Variants in BCL6 observed in about 807,000 individuals in gnomAD.
BCL6 encodes B-cell lymphoma 6 protein.
In BCL6, 7 loss-of-function variants were observed where a neutral mutation model predicts 59.5. The ratio of observed to expected loss-of-function variants is 0.12; its 90% CI spans 0.07 to 0.22. BCL6 has a LOEUF of 0.22. Ranked by LOEUF, BCL6 falls within the 10% of genes least tolerant of loss-of-function variation. BCL6 has a pLI of 1.00. For missense variants in BCL6, 685 were observed against 939.4 expected (o/e 0.73, Z 3.54); for synonymous variants, 339 against 349.7 (o/e 0.97, Z 0.34).
chr3:187,736,431 G>A (rs1220479145), intron 1 of BCL6: 6 of 152,160 alleles, frequency 3.9e-5, no homozygotes. Context: ...TTCCTTCATG[G>A]AAGGGATCCT....
Position 187,729,605 on chromosome 3 carries a change from T to C in BCL6, c.800A>G (p.Glu267Gly). 1 of 1,614,170 alleles carries C rather than the reference T, an allele frequency of 6.2e-7. No individual in the cohort carries two copies. ...GTAGTGCATATCACTTCGTGCCTCT[T>C]CTGGGATTGTTTCCTTGGGTGAATA... ...NIYSPKETIP[E>G]EARSDMHYSV... Residue 267 changes from glutamate to glycine, a missense_variant, in exon 5 of 10, where the codon GAA becomes GGA. Coordinates refer to ENST00000406870, the MANE Select transcript of BCL6 (RefSeq NM_001706.5). The surrounding 1 kb of genome is among the most constrained non-coding windows in gnomAD (Gnocchi z 5.6).
In BCL6 at chr3:187,725,867, G is replaced by A. The variant is rs1311172708; in HGVS notation, c.1709-238C>T. On this transcript the variant is annotated intron_variant, in intron 7 of 9. Coordinates refer to ENST00000406870, the MANE Select transcript of BCL6 (RefSeq NM_001706.5). The surrounding 1 kb of genome is among the most constrained non-coding windows in gnomAD (Gnocchi z 4.7). Reference sequence around the variant, plus strand: ...AGGGCCAAGAAACAAGTGGTGGCACGGAGTAGCAACAATGCCAGGTGTGGG... The same window carrying A: ...AGGGCCAAGAAACAAGTGGTGGCACAGAGTAGCAACAATGCCAGGTGTGGG... 2.6e-5 allele frequency among the ~76,000 whole-genome samples: 4 copies of A among 152,180 alleles called. No homozygotes were observed. The highest frequency in any genetic ancestry group is 2.0e-4 in the Admixed American group (3 of 15,278).
intron 5 of BCL6, among the ~76,000 whole-genome samples, 180 bp from the exon 6 acceptor site, chr3:187,728,724 G>A (rs1718859377): frequency 6.6e-6 from 1 of 152,070 alleles, no homozygotes; most frequent in African/African-American, 2.4e-5. Flanking sequence ...ACTGACCAGG[G>A]TCAAACTGAG....
chr3:187,743,988 A>T, intron 1 of BCL6, among the ~76,000 whole-genome samples: 1 of 152,114 alleles, frequency 6.6e-6, no homozygotes. Flanking sequence ...TCTCCTCCTG[A>T]GTCTTGCACA....
chr3:187,738,112 A>AT (rs1432555172), intron 1 of BCL6, among the ~76,000 whole-genome samples: 1 of 152,062 alleles, frequency 6.6e-6, no homozygotes, highest in Non-Finnish European at 1.5e-5. Flanking sequence ...CAGTTTATAA[A>AT]TGGGGAAGGT....
chr3:187,745,068 C>T (rs562721016), intron 1 of BCL6, among the ~76,000 whole-genome samples: 1 of 152,036 alleles, frequency 6.6e-6, no homozygotes, highest in Admixed American at 6.5e-5. Flanking sequence ...CAAAACAACA[C>T]AAGGGAGGGT....
At chr3:187,733,160 A>G (rs1719127311) in intron 3 of BCL6, among the ~76,000 whole-genome samples, 1 of 152,218 alleles carries the variant, frequency 6.6e-6, no homozygotes, top group African/African-American at 2.4e-5. Flanking sequence ...TAAAAGAGCA[A>G]AACATTTCAA....
intron 1 of BCL6, among the ~76,000 whole-genome samples, chr3:187,745,083 A>C: frequency 6.6e-6 from 1 of 152,168 alleles, no homozygotes; most frequent in South Asian, 2.1e-4. Flanking sequence ...GAGGGTGGCA[A>C]AAGCCTCCCC....
Position 187,722,563 on chromosome 3 carries a change from C to A in BCL6, c.2016G>T (p.Gln672His). 1 of 1,613,922 alleles carries A rather than the reference C, an allele frequency of 6.2e-7. No individual in the cohort carries two copies. Among genetic ancestry groups the A allele is most frequent in the Non-Finnish European group, 8.5e-7 (1 of 1,179,926 alleles). The change falls in exon 10 of 10, where the codon CAG becomes CAT. Residue 672 changes from glutamine to histidine, a missense_variant. This residue lies in a region of BCL6 where 38 missense variants were observed against 97.9 expected (regional missense o/e 0.39). Transcript: ENST00000406870. ...GCTTCTGGCGCAAGTGAAGTCGCAG[C>A]TGGCTTTTGTGACGGAAATGCAGGT... is the stretch of plus-strand genomic sequence containing the variant. ...KCNLHFRHKS[Q>H]LRLHLRQKHG...
chr3:187,742,801 C>A (rs1039684894), intron 1 of BCL6, among the ~76,000 whole-genome samples: 1 of 152,094 alleles, frequency 6.6e-6, no homozygotes, highest in Admixed American at 6.5e-5. Flanking sequence ...AATATCTTTT[C>A]GTCTTTTTTA....
rs1718650850 is a variant in BCL6 at position 187,725,592 on chromosome 3, C to T, written c.1746G>A (p.Gln582=). 1.2e-6 allele frequency: 2 copies of T among 1,614,088 alleles called. No individual in the cohort carries two copies. Among genetic ancestry groups the T allele is most frequent in the Admixed American group, 1.7e-5 (1 of 60,004 alleles). ...KPYRCNICGA[Q]FNRPANLKTH... Reference sequence around the variant, plus strand: ...TTTTCAGGTTGGCTGGCCGGTTGAACTGGGCCCCACAGATGTTGCAACGAT... The same window carrying T: ...TTTTCAGGTTGGCTGGCCGGTTGAATTGGGCCCCACAGATGTTGCAACGAT... The change falls in exon 8 of 10, where the codon CAG becomes CAA. Residue 582 remains glutamine, a synonymous_variant. Transcript: ENST00000406870. This position sits in a 1 kb window ranked among gnomAD's most constrained non-coding sequence, Gnocchi z 4.7.
At chr3:187,745,246 A>G (rs534436520) in intron 1 of BCL6, among the ~76,000 whole-genome samples, 164 bp downstream of exon 1, 1 of 152,296 alleles carries the variant, frequency 6.6e-6, no homozygotes, top group Non-Finnish European at 1.5e-5. Flanking sequence ...ATCAATAGAT[A>G]CACATAGAAA....
chr3:187,733,961 G>T, intron 2 of BCL6: 1 of 481,386 alleles, frequency 2.1e-6, no homozygotes, highest in Non-Finnish European at 3.8e-6. Context: ...TTTGTTGAGT[G>T]TTTTTCCCAC....
In BCL6 at chr3:187,721,617, GA is replaced by G. The variant is rs1560144685; in HGVS notation, c.*840del. 4.3e-6 allele frequency: 1 copy of G among 233,006 alleles called. No homozygotes were observed. The allele number at this position is 233,006 out of a possible 1,614,324, so 14.4% of individuals were successfully genotyped here. A position where few individuals can be genotyped will look rare whatever the true frequency, so the allele number is the denominator to read the frequency against. On this transcript the variant is annotated 3_prime_UTR_variant, in exon 10 of 10. Transcript: ENST00000406870. The surrounding 1 kb of genome is among the most constrained non-coding windows in gnomAD (Gnocchi z 4.2). ...CTCGCCCATCATTGAAAACTTCCGT[GA>G]AAAAAGGCACCGTGAGGACACGTTG...
At chr3:187,734,514 C>T (rs1454273741) in intron 2 of BCL6, 1 of 152,240 alleles carries the variant, frequency 6.6e-6, no homozygotes, top group Non-Finnish European at 1.5e-5. Flanking sequence ...TCTCAAAACT[C>T]ATAGCTATTC....
chr3:187,725,222 C>T lies in BCL6; in HGVS notation c.1840-144G>A. 1 of 1,318,052 alleles carries T rather than the reference C, an allele frequency of 7.6e-7. No individual in the cohort carries two copies. The highest frequency in any genetic ancestry group is 1.4e-5 in the South Asian group (1 of 71,768). 81.6% of individuals were successfully genotyped at this position (1,318,052 alleles called of 1,614,324 possible). A position where few individuals can be genotyped will look rare whatever the true frequency, so the allele number is the denominator to read the frequency against. ...CACAGGGACTGAGTGGGCCTTTCTG[C>T]TGCCCACTCTGCTCACCTGCCCACT... is the stretch of plus-strand genomic sequence containing the variant. On this transcript the variant is annotated intron_variant, in intron 8 of 9. Coordinates refer to ENST00000406870, the MANE Select transcript of BCL6 (RefSeq NM_001706.5). The surrounding 1 kb of genome is among the most constrained non-coding windows in gnomAD (Gnocchi z 4.7).
chr3:187,737,357 G>GAC (rs1310078202), intron 1 of BCL6: 1 of 117,302 alleles, frequency 8.5e-6, no homozygotes, highest in African/African-American at 3.4e-5. Context: ...CAGAGAGAGA[G>GAC]AGAGAGAGAG....
Position 187,733,683 on chromosome 3 carries a change from G to A in BCL6, c.11C>T (p.Pro4Leu), listed in dbSNP as rs768405263. 2.2e-5 allele frequency: 36 copies of A among 1,613,880 alleles called. No individual in the cohort carries two copies. The highest frequency in any genetic ancestry group is 6.7e-5 in the African/African-American group (5 of 74,890). Residue 4 changes from proline to leucine, a missense_variant, in exon 3 of 10, where the codon CCG (proline) becomes CTG (leucine). Pro to Leu is a moderately conservative substitution (Grantham distance 98, BLOSUM62 -3). Coordinates refer to ENST00000406870, the MANE Select transcript of BCL6 (RefSeq NM_001706.5). MAS[P>L]ADSCIQFTRH... is the part of the protein sequence containing the mutation. ...GGTGAACTGGATACAGCTGTCAGCCGGCGAGGCCATTTTGTCTTCACTTGA... is the reference window on the plus strand; with the variant it reads ...GGTGAACTGGATACAGCTGTCAGCCAGCGAGGCCATTTTGTCTTCACTTGA...
At chr3:187,745,287 A>G (rs909779042) in intron 1 of BCL6, 123 bp downstream of exon 1, 13 of 392,312 alleles carry the variant, frequency 3.3e-5, no homozygotes, top group East Asian at 2.2e-4. Context: ...GCAAGAGCGG[A>G]AAAAAAAAGA....
Sources: allele counts gnomAD v4.1 joint callset (sites outside exome capture counted in the v4.1 genomes callset), GRCh38; gene constraint gnomAD v4.1.1; regional missense constraint gnomAD v4.1.1; non-coding constraint Gnocchi (gnomAD v3.1); transcripts MANE v1.5; gene names NCBI Gene and HGNC (gene_info 2026-07-23, HGNC 2026-07-21).